Variants in LRRTM4 observed in about 807,000 individuals in gnomAD.
LRRTM4 encodes leucine rich repeat transmembrane neuronal 4.
LRRTM4 carries 25 observed loss-of-function variants against 47.6 expected under a neutral mutation model. The observed-to-expected ratio is 0.53, with a 90% CI of 0.38 to 0.73. The LOEUF is 0.73. LRRTM4 is among the 30% of genes least tolerant of loss of function. The probability of loss-of-function intolerance (pLI) is 0.00; values close to 1 mark genes in which losing one functional copy is unlikely to be tolerated. For missense variants in LRRTM4, 638 were observed against 713.4 expected, an observed-to-expected ratio of 0.89 and a Z score of 1.20; for synonymous variants, 311 against 269.5, an observed-to-expected ratio of 1.15 and a Z score of -1.51.
At chr2:77,428,922 A>G (rs2103899899) in intron 3 of LRRTM4, among the ~76,000 whole-genome samples, 1 of 152,326 alleles carries the variant, frequency 6.6e-6, no homozygotes, top group East Asian at 1.9e-4. Flanking sequence ...ATACCTATTG[A>G]TCACTGTTAA....
intron 3 of LRRTM4, among the ~76,000 whole-genome samples, chr2:77,103,656 T>G (rs1429345906): frequency 6.9e-6 from 1 of 144,408 alleles, no homozygotes; most frequent in Non-Finnish European, 1.5e-5. Flanking sequence ...TGTATATATA[T>G]ATATATAGAT....
At position 77,408,944 on chromosome 2, in the gene LRRTM4, T is replaced by C. The variant is rs116407607; in HGVS notation, c.1551+109374A>G. 8.2e-3 allele frequency among the ~76,000 whole-genome samples: 1,247 copies of C among 152,300 alleles called. 19 individuals are homozygous for C. Among genetic ancestry groups the C allele is most frequent in the African/African-American group, 0.028 (1,177 of 41,560 alleles). Reference sequence around the variant, plus strand: ...ATCTGCTAAGACTGATACTTTGCACTTATTGAGACTATATCATAATTCAGC... The same window carrying C: ...ATCTGCTAAGACTGATACTTTGCACCTATTGAGACTATATCATAATTCAGC... On this transcript the variant is annotated intron_variant, in intron 3 of 3. Coordinates refer to ENST00000409884, the MANE Select transcript of LRRTM4 (RefSeq NM_001134745.3).
chr2:76,945,479 G>A (rs2103873092), intron 3 of LRRTM4, among the ~76,000 whole-genome samples: 1 of 152,124 alleles, frequency 6.6e-6, no homozygotes, highest in South Asian at 2.1e-4. Flanking sequence ...GTGCAATGGA[G>A]TTGTTGGCAG....
At chr2:77,296,415 T>C (rs1676974708) in intron 3 of LRRTM4, among the ~76,000 whole-genome samples, 1 of 152,172 alleles carries the variant, frequency 6.6e-6, no homozygotes, top group Admixed American at 6.6e-5. Context: ...ACAGTATCAT[T>C]ACCTTCTTTG....
chr2:77,014,320 T>C (rs1250886616), intron 3 of LRRTM4, among the ~76,000 whole-genome samples: 1 of 152,080 alleles, frequency 6.6e-6, no homozygotes, highest in East Asian at 1.9e-4. Context: ...TCTATTCACA[T>C]TGTAAATTAA....
At chr2:76,835,044 C>T (rs1671469501) in intron 3 of LRRTM4, among the ~76,000 whole-genome samples, 2 of 151,974 alleles carry the variant, frequency 1.3e-5, no homozygotes, top group African/African-American at 4.8e-5. Context: ...GACATAAGAC[C>T]AATAGCATCC....
chr2:76,880,840 G>T (rs1343608274), intron 3 of LRRTM4, among the ~76,000 whole-genome samples: 1 of 152,002 alleles, frequency 6.6e-6, no homozygotes. Context: ...GAATCCAATT[G>T]GTATTTGATT....
At chr2:76,840,484 C>T (rs920898531) in intron 3 of LRRTM4, among the ~76,000 whole-genome samples, 5 of 151,996 alleles carry the variant, frequency 3.3e-5, no homozygotes, top group Non-Finnish European at 5.9e-5. Context: ...GGTCATGAAG[C>T]AAAATGCCAG....
chr2:76,955,966 T>C (rs1675662144), intron 3 of LRRTM4, among the ~76,000 whole-genome samples: 1 of 151,492 alleles, frequency 6.6e-6, no homozygotes, highest in Admixed American at 6.6e-5. Flanking sequence ...AAATTATTAC[T>C]ATCAGTAATT....
intron 3 of LRRTM4, among the ~76,000 whole-genome samples, chr2:76,872,722 T>C (rs1672660573): frequency 6.6e-6 from 1 of 152,034 alleles, no homozygotes; most frequent in Non-Finnish European, 1.5e-5. Flanking sequence ...TTTAAATTTG[T>C]TTCCTAATGT....
chr2:77,253,694 A>G (rs1424273917), intron 3 of LRRTM4, among the ~76,000 whole-genome samples: 1 of 152,100 alleles, frequency 6.6e-6, no homozygotes, highest in Non-Finnish European at 1.5e-5. Context: ...AGCAATTATG[A>G]TGTGATATAA....
chr2:76,965,133 C>A (rs776532074), intron 3 of LRRTM4, among the ~76,000 whole-genome samples: 2 of 151,184 alleles, frequency 1.3e-5, no homozygotes, highest in Admixed American at 6.6e-5. Flanking sequence ...GGAAATGATA[C>A]CAATTTTCCA....
chr2:77,014,892 T>C (rs1441009363), intron 3 of LRRTM4, among the ~76,000 whole-genome samples: 1 of 152,168 alleles, frequency 6.6e-6, no homozygotes, highest in Non-Finnish European at 1.5e-5. Flanking sequence ...TTTTCATTTT[T>C]TTCAAAGAGA....
rs944276638 is a variant in LRRTM4, at chr2:77,522,228, A to G, written c.-267T>C. The G allele has an allele frequency of 1.5e-6, 1 of 681,056 alleles. No homozygotes were observed. 42.2% of individuals were successfully genotyped at this position (681,056 alleles called of 1,614,324 possible). A position where few individuals can be genotyped will look rare whatever the true frequency, so the allele number is the denominator to read the frequency against. ...TGTATGAGACCCCAGTTTAAAAGCT[A>G]TGCAGGCTAGGTTTATCCATTTAGC... On this transcript the variant is annotated 5_prime_UTR_variant, in exon 1 of 4. Coordinates refer to ENST00000409884, the MANE Select transcript of LRRTM4 (RefSeq NM_001134745.3).
chr2:76,919,362 A>G (rs142406332), intron 3 of LRRTM4, among the ~76,000 whole-genome samples: 2 of 152,308 alleles, frequency 1.3e-5, no homozygotes, highest in Non-Finnish European at 2.9e-5. Context: ...ATGTGAAACA[A>G]CACAACAAAA....
chr2:77,118,781 T>G (rs941301915), intron 3 of LRRTM4, among the ~76,000 whole-genome samples: 1 of 151,950 alleles, frequency 6.6e-6, no homozygotes, highest in Middle Eastern at 3.4e-3. Flanking sequence ...AGGCATCCAT[T>G]TTTCACCTTT....
chr2:77,484,765 G>GT lies in LRRTM4; in HGVS notation c.1551+33552dup, dbSNP rs564268960. 4.6e-5 allele frequency among the ~76,000 whole-genome samples: 7 copies of GT among 151,824 alleles called. No individual in the cohort carries two copies. The South Asian group carries it at 1.0e-3, about 22-fold the overall frequency. ...CTTAAAAGTTTAAAAAAGTTTTCAG[G>GT]TTTTTTTTCTTTTGTAATGGTAAAT... On this transcript the variant is annotated intron_variant, in intron 3 of 3. Transcript: ENST00000409884.
chr2:77,218,297 G>C lies in LRRTM4; in HGVS notation c.1551+300021C>G, dbSNP rs572870810. On this transcript the variant is annotated intron_variant, in intron 3 of 3. Coordinates refer to ENST00000409884, the MANE Select transcript of LRRTM4 (RefSeq NM_001134745.3). ...GTGTGAGCCACTGCACCCAGCTGAG[G>C]TCTCTTTTTTTCTACAAAAAAACCT... Among the ~76,000 whole-genome samples, 30 of 152,096 alleles carry C rather than the reference G, an allele frequency of 2.0e-4. 1 individual carries two copies. Among genetic ancestry groups the C allele is most frequent in the Admixed American group, 1.4e-3 (22 of 15,258 alleles).
chr2:77,192,529 T>A (rs1197985145), intron 3 of LRRTM4, among the ~76,000 whole-genome samples: 2 of 152,038 alleles, frequency 1.3e-5, no homozygotes, highest in Non-Finnish European at 2.9e-5. Context: ...TTGAGAAAAA[T>A]AATTTTTCTA....
Sources: gnomAD v4.1 joint callset for allele counts (sites outside exome capture counted in the v4.1 genomes callset) on GRCh38, gnomAD v4.1.1 for gene constraint, MANE v1.5 for transcripts, NCBI Gene and HGNC (gene_info 2026-07-23, HGNC 2026-07-21) for gene names.